Variants in WDR6 observed in about 807,000 individuals in gnomAD.
The protein encoded by WDR6 is tRNA (34-2'-O)-methyltransferase regulator WDR6.
In WDR6, 58 loss-of-function variants were observed where a neutral mutation model predicts 85.6. That is an observed-to-expected ratio of 0.68 (90% CI 0.55 to 0.84). The LOEUF (loss-of-function observed/expected upper bound fraction) is 0.84. WDR6 is among the 40% of genes least tolerant of loss of function. The probability of loss-of-function intolerance (pLI) is 0.00; values close to 1 mark genes in which losing one functional copy is unlikely to be tolerated. For synonymous variants in WDR6, 569 were observed against 582.2 expected (o/e 0.98, Z 0.33); for missense variants, 1,310 against 1,476.4 (o/e 0.89, Z 1.85).
chr3:49,009,638 G>A (rs967207951), intron 1 of WDR6, among the ~76,000 whole-genome samples: 1 of 152,078 alleles, frequency 6.6e-6, no homozygotes, highest in Non-Finnish European at 1.5e-5. Flanking sequence ...TGTGGGGAAA[G>A]TTGCCCCCTG....
chr3:49,015,455 G>T lies in WDR6; in HGVS notation c.*167G>T. The T allele has an allele frequency of 6.9e-7, 1 of 1,456,562 alleles. No homozygotes were observed. Among genetic ancestry groups the T allele is most frequent in the Non-Finnish European group, 9.4e-7 (1 of 1,062,108 alleles). 90.2% of individuals were successfully genotyped at this position (1,456,562 alleles called of 1,614,324 possible). A position where few individuals can be genotyped will look rare whatever the true frequency, so the allele number is the denominator to read the frequency against. On this transcript the variant is annotated 3_prime_UTR_variant, in exon 6 of 6. Transcript: ENST00000608424. ...CTGAAGGTGAGTGGAGTGCTGCCAA[G>T]AATATGCCCGACTCCCCATGACAAG...
Position 49,012,500 on chromosome 3 carries a change from T to G in WDR6, c.966T>G (p.Ile322Met), listed in dbSNP as rs369511605. ...TCACTGGGGGTGATGACTCAGGCAT[T>G]CGGCTGTGGCACTTGGTAGGGCGTG... ...WVITGGDDSG[I>M]RLWHLVGRGY... Residue 322 changes from isoleucine (I) to methionine (M), a missense_variant, in exon 2 of 6, where the codon ATT (isoleucine) becomes ATG (methionine). Coordinates refer to ENST00000608424, the MANE Select transcript of WDR6 (RefSeq NM_018031.6). This position sits in a 1 kb window ranked among gnomAD's most constrained non-coding sequence, Gnocchi z 4.4. The G allele has an allele frequency of 3.0e-5, 49 of 1,614,020 alleles. No individual in the cohort carries two copies. The highest frequency in any genetic ancestry group is 1.0e-4 in the Admixed American group (6 of 60,010).
At position 49,007,690 on chromosome 3, in the gene WDR6, C is replaced by T. The variant is rs2092990881; in HGVS notation, c.100+159C>T. ...AAGGGAGCCCCGGAGATGGCGGGGA[C>T]GAGGGCCAACCTGAAGAGGGCGGGG... On this transcript the variant is annotated intron_variant, in intron 1 of 5. Transcript: ENST00000608424. The surrounding 1 kb of genome is among the most constrained non-coding windows in gnomAD (Gnocchi z 5.1). The T allele has an allele frequency of 7.5e-7, 1 of 1,324,996 alleles. No individual in the cohort carries two copies. 82.1% of individuals were successfully genotyped at this position (1,324,996 alleles called of 1,614,324 possible).
chr3:49,013,008 A>C lies in WDR6; in HGVS notation c.1474A>C (p.Arg492=), dbSNP rs764282537. Residue 492 remains arginine, a synonymous_variant, in exon 2 of 6, where the codon AGA becomes CGA. Transcript: ENST00000608424. The surrounding 1 kb of genome is among the most constrained non-coding windows in gnomAD (Gnocchi z 4.6). ...CRYLLPPSKQ[R]WHTCSAFLPP... is the part of the protein sequence containing the mutation. ...GTACCTGCTGCCCCCAAGCAAGCAGAGATGGCACACATGCAGTGCCTTCCT... is the reference window on the plus strand; with the variant it reads ...GTACCTGCTGCCCCCAAGCAAGCAGCGATGGCACACATGCAGTGCCTTCCT... 1 of 1,613,686 alleles carries C rather than the reference A, an allele frequency of 6.2e-7. No homozygotes were observed. Among genetic ancestry groups the C allele is most frequent in the South Asian group, 1.1e-5 (1 of 91,072 alleles).
rs775387847 is a variant in WDR6, at chr3:49,007,573, GAAAC to G, written c.100+44_100+47del. ...GGCACGCCTGGTGGAAAGGGGGAAA[GAAAC>G]AGCGCCTCCCAGGGGCGGTGCCACA... On this transcript the variant is annotated intron_variant, in intron 1 of 5. Transcript: ENST00000608424. This position sits in a 1 kb window ranked among gnomAD's most constrained non-coding sequence, Gnocchi z 5.1. 1 of 1,554,514 alleles carries G rather than the reference GAAAC, an allele frequency of 6.4e-7. No homozygotes were observed.
chr3:49,009,680 T>C (rs2093004356), intron 1 of WDR6, among the ~76,000 whole-genome samples: 1 of 152,126 alleles, frequency 6.6e-6, no homozygotes, highest in Non-Finnish European at 1.5e-5. Flanking sequence ...TTTCTCATTT[T>C]ACATCTTTTA....
Position 49,013,906 on chromosome 3 carries a change from C to T in WDR6, c.2372C>T (p.Pro791Leu), listed in dbSNP as rs2093032934. Reference sequence around the variant, plus strand: ...TGGGGCATTGGCACCCCAGGTGGCCCTCAGGATCCTCAGCCAGGCCTGACT... The same window carrying T: ...TGGGGCATTGGCACCCCAGGTGGCCTTCAGGATCCTCAGCCAGGCCTGACT... ...AVWGIGTPGG[P>L]QDPQPGLTAH... The change falls in exon 2 of 6, where the codon CCT becomes CTT. Residue 791 changes from proline (P) to leucine (L), a missense_variant. Pro to Leu is a moderately conservative substitution (Grantham distance 98, BLOSUM62 -3). Coordinates refer to ENST00000608424, the MANE Select transcript of WDR6 (RefSeq NM_018031.6). The surrounding 1 kb of genome is among the most constrained non-coding windows in gnomAD (Gnocchi z 4.6). The T allele has an allele frequency of 6.2e-7, 1 of 1,613,704 alleles. No individual in the cohort carries two copies. The highest frequency in any genetic ancestry group is 1.1e-5 in the South Asian group (1 of 91,084).
In WDR6 at chr3:49,014,376, C is replaced by T; in HGVS notation, c.2667-7C>T. 6.2e-7 allele frequency: 1 copy of T among 1,614,074 alleles called. No homozygotes were observed. Among genetic ancestry groups the T allele is most frequent in the Admixed American group, 1.7e-5 (1 of 60,014 alleles). ...CGTTCTGAGCTGGGCCACCCCCCGC[C>T]CCCCAGGCTCTTTCTTTTGCAGGAT... On this transcript the variant is annotated splice_region_variant and splice_polypyrimidine_tract_variant and intron_variant, in intron 3 of 5. Coordinates refer to ENST00000608424, the MANE Select transcript of WDR6 (RefSeq NM_018031.6). This position sits in a 1 kb window ranked among gnomAD's most constrained non-coding sequence, Gnocchi z 4.9.
chr3:49,014,602 G>C lies in WDR6; in HGVS notation c.2786G>C (p.Arg929Thr). ...FTHEAPNQRRRLLLCSAATDG... is the reference protein window; with the variant it reads ...FTHEAPNQRRTLLLCSAATDG... ...GGCTGTCTTTTCCTGGCTCTCAGGA[G>C]GCTCCTCCTGTGCAGCGCAGCTACT... The change falls in exon 5 of 6, where the codon AGG becomes ACG. Residue 929 changes from arginine to threonine, a missense_variant and splice_region_variant. By Grantham distance (71) the Arg-to-Thr change is moderately conservative. Transcript: ENST00000608424. The surrounding 1 kb of genome is among the most constrained non-coding windows in gnomAD (Gnocchi z 4.9). 6.2e-7 allele frequency: 1 copy of C among 1,613,582 alleles called. No individual in the cohort carries two copies. The highest frequency in any genetic ancestry group is 8.5e-7 in the Non-Finnish European group (1 of 1,179,950).
Position 49,014,903 on chromosome 3 carries a change from G to T in WDR6, c.2981G>T (p.Gly994Val). Residue 994 changes from glycine (G) to valine (V), a missense_variant, in exon 6 of 6, where the codon GGC becomes GTC. Transcript: ENST00000608424. This position sits in a 1 kb window ranked among gnomAD's most constrained non-coding sequence, Gnocchi z 4.9. The stretch of plus-strand genomic sequence containing the variant: ...CTGCACACCTTGCCCACCCGTGAGG[G>T]CCACCATCTCGTGGCCAGTGGCAGT... ...NSLHTLPTRE[G>V]HHLVASGSED... The T allele has an allele frequency of 6.2e-7, 1 of 1,614,006 alleles. No homozygotes were observed. Among genetic ancestry groups the T allele is most frequent in the Middle Eastern group, 1.6e-4 (1 of 6,062 alleles).
rs545389721 is a variant in WDR6, at chr3:49,007,740, C to T, written c.100+209C>T. On this transcript the variant is annotated intron_variant, in intron 1 of 5. Transcript: ENST00000608424. This position sits in a 1 kb window ranked among gnomAD's most constrained non-coding sequence, Gnocchi z 5.1. ...GCCCGAGAGACAAAGCTGATGTGGC[C>T]GCCGCGGCGCTTCATAAACTTCAGC... The T allele has an allele frequency of 5.1e-3, 6,319 of 1,239,614 alleles. 19 individuals carry two copies. The highest frequency in any genetic ancestry group is 6.1e-3 in the Non-Finnish European group (5,931 of 970,438). The allele number at this position is 1,239,614 out of a possible 1,614,324, so 76.8% of individuals were successfully genotyped here.
Position 49,012,585 on chromosome 3 carries a change from C to T in WDR6, c.1051C>T (p.Leu351Phe), listed in dbSNP as rs2093023018. ...CAAGTCCCGTAGTAGGCCAGGTACA[C>T]TCAAGGCTGTGACTCTGGCTGGCTC... ...CFKSRSRPGT[L>F]KAVTLAGSWR... The change falls in exon 2 of 6, where the codon CTC becomes TTC. Residue 351 changes from leucine (L) to phenylalanine (F), a missense_variant. Transcript: ENST00000608424. This position sits in a 1 kb window ranked among gnomAD's most constrained non-coding sequence, Gnocchi z 4.4. 1 of 1,614,064 alleles carries T rather than the reference C, an allele frequency of 6.2e-7. No homozygotes were observed. Among genetic ancestry groups the T allele is most frequent in the South Asian group, 1.1e-5 (1 of 91,076 alleles).
chr3:49,012,261 G>A lies in WDR6; in HGVS notation c.727G>A (p.Val243Met), dbSNP rs751379165. The A allele has an allele frequency of 6.2e-6, 10 of 1,614,280 alleles. No individual in the cohort carries two copies. The South Asian group carries it at 6.6e-5, about 11-fold the overall frequency. Reference sequence around the variant, plus strand: ...TATCTGGAAGGTGGGCGACCTGCGAGTGCCTGGGGGTCGGGTGCAGAATAT... The same window carrying A: ...TATCTGGAAGGTGGGCGACCTGCGAATGCCTGGGGGTCGGGTGCAGAATAT... ...VRIWKVGDLR[V>M]PGGRVQNIGH... The change falls in exon 2 of 6, where the codon GTG becomes ATG. Residue 243 changes from valine to methionine, a missense_variant. Transcript: ENST00000608424. This position sits in a 1 kb window ranked among gnomAD's most constrained non-coding sequence, Gnocchi z 4.4.
Position 49,007,614 on chromosome 3 carries a change from G to C in WDR6, c.100+83G>C. On this transcript the variant is annotated intron_variant, in intron 1 of 5. Coordinates refer to ENST00000608424, the MANE Select transcript of WDR6 (RefSeq NM_018031.6). This position sits in a 1 kb window ranked among gnomAD's most constrained non-coding sequence, Gnocchi z 5.1. ...GGGGCGGTGCCACAGGGACAAAAGG[G>C]GTGCCCTGAGGAGAAGGACGGGCAG... The C allele has an allele frequency of 6.9e-7, 1 of 1,448,762 alleles. No homozygotes were observed. Among genetic ancestry groups the C allele is most frequent in the Non-Finnish European group, 9.1e-7 (1 of 1,094,370 alleles). 89.7% of individuals were successfully genotyped at this position (1,448,762 alleles called of 1,614,324 possible).
Position 49,012,502 on chromosome 3 carries a change from G to A in WDR6, c.968G>A (p.Arg323Gln), listed in dbSNP as rs760703538. 3.7e-6 allele frequency: 6 copies of A among 1,613,970 alleles called. No homozygotes were observed. Among genetic ancestry groups the A allele is most frequent in the East Asian group, 4.5e-5 (2 of 44,878 alleles). ...ACTGGGGGTGATGACTCAGGCATTC[G>A]GCTGTGGCACTTGGTAGGGCGTGGG... ...VITGGDDSGIRLWHLVGRGYR... is the reference protein window; with the variant it reads ...VITGGDDSGIQLWHLVGRGYR... The change falls in exon 2 of 6, where the codon CGG becomes CAG. Residue 323 changes from arginine (R) to glutamine (Q), a missense_variant. Transcript: ENST00000608424. This position sits in a 1 kb window ranked among gnomAD's most constrained non-coding sequence, Gnocchi z 4.4.
rs1342384820 is a variant in WDR6 at position 49,013,275 on chromosome 3, T to C, written c.1741T>C (p.Tyr581His). 1 of 1,614,116 alleles carries C rather than the reference T, an allele frequency of 6.2e-7. No homozygotes were observed. The highest frequency in any genetic ancestry group is 1.7e-5 in the Admixed American group (1 of 60,020). The part of the protein sequence containing the change: ...GVTSVTCHGG[Y>H]VYTTGRDGAY... ...GACCTCAGTCACATGCCATGGTGGC[T>C]ATGTGTATACCACAGGGCGTGATGG... Residue 581 changes from tyrosine (Y) to histidine (H), a missense_variant, in exon 2 of 6, where the codon TAT (tyrosine) becomes CAT (histidine). Tyr to His is a moderately conservative substitution (Grantham distance 83). Coordinates refer to ENST00000608424, the MANE Select transcript of WDR6 (RefSeq NM_018031.6). The surrounding 1 kb of genome is among the most constrained non-coding windows in gnomAD (Gnocchi z 4.6).
rs185098678 is a variant in WDR6, at chr3:49,014,815, C to A, written c.2903-10C>A. On this transcript the variant is annotated splice_polypyrimidine_tract_variant and intron_variant, in intron 5 of 5. Transcript: ENST00000608424. This position sits in a 1 kb window ranked among gnomAD's most constrained non-coding sequence, Gnocchi z 4.9. ...GGGCCCTGACAACTACCCTCTTCCT[C>A]TTCCTTCAGGGCTTGGCACCCCCTC... is the stretch of plus-strand genomic sequence containing the variant. 1.2e-6 allele frequency: 2 copies of A among 1,601,408 alleles called. No individual in the cohort carries two copies. Among genetic ancestry groups the A allele is most frequent in the African/African-American group, 2.7e-5 (2 of 74,746 alleles).
rs750150221 is a variant in WDR6, at chr3:49,014,935, G to A, written c.3013G>A (p.Gly1005Arg). Residue 1005 changes from glycine (G) to arginine (R), a missense_variant, in exon 6 of 6, where the codon GGA (glycine) becomes AGA (arginine). Coordinates refer to ENST00000608424, the MANE Select transcript of WDR6 (RefSeq NM_018031.6). The surrounding 1 kb of genome is among the most constrained non-coding windows in gnomAD (Gnocchi z 4.9). ...TCTCGTGGCCAGTGGCAGTGAAGAT[G>A]GATCCCTCCATGTCTTCGTGCTTGC... ...HHLVASGSED[G>R]SLHVFVLAVE... is the part of the protein sequence containing the mutation. 2.5e-6 allele frequency: 4 copies of A among 1,614,138 alleles called. No individual in the cohort carries two copies. The highest frequency in any genetic ancestry group is 8.5e-7 in the Non-Finnish European group (1 of 1,180,018).
Position 49,012,960 on chromosome 3 carries a change from A to G in WDR6, c.1426A>G (p.Ile476Val), listed in dbSNP as rs771564531. The G allele has an allele frequency of 1.1e-5, 18 of 1,613,842 alleles. No individual in the cohort carries two copies. In the Middle Eastern group the frequency reaches 6.6e-4, roughly 59 times the overall value. ...CTCAGCCGCACCCTCTGGCAAGGCC[A>G]TCTTTGTCAAGGAACGTTGTCGGTA... ...EISAAPSGKA[I>V]FVKERCRYLL... The change falls in exon 2 of 6, where the codon ATC (isoleucine) becomes GTC (valine). Residue 476 changes from isoleucine (I) to valine (V), a missense_variant. Ile to Val is a conservative substitution (Grantham distance 29). Coordinates refer to ENST00000608424, the MANE Select transcript of WDR6 (RefSeq NM_018031.6). This position sits in a 1 kb window ranked among gnomAD's most constrained non-coding sequence, Gnocchi z 4.4.
Sources: gnomAD v4.1 joint callset for allele counts (sites outside exome capture counted in the v4.1 genomes callset) on GRCh38, gnomAD v4.1.1 for gene constraint, Gnocchi (gnomAD v3.1) non-coding constraint, MANE v1.5 for transcripts, NCBI Gene and HGNC (gene_info 2026-07-23, HGNC 2026-07-21) for gene names.